Variants in CTIF observed in about 807,000 individuals in gnomAD.
CTIF encodes the protein CBP80/20-dependent translation initiation factor.
CTIF carries 21 observed loss-of-function variants against 66.0 expected under a neutral mutation model. The ratio of observed to expected loss-of-function variants is 0.32; its 90% CI spans 0.23 to 0.46. The LOEUF is 0.46. CTIF is among the 20% of genes least tolerant of loss of function. The pLI is 1.00. For synonymous variants in CTIF, 345 were observed against 326.4 expected, an observed-to-expected ratio of 1.06 and a Z score of -0.62; for missense variants, 739 against 812.7, an observed-to-expected ratio of 0.91 and a Z score of 1.10.
At chr18:48,783,171 A>G (rs1051874809) in intron 9 of CTIF, among the ~76,000 whole-genome samples, 27 of 152,180 alleles carry the variant, frequency 1.8e-4, no homozygotes, top group Non-Finnish European at 1.3e-4. Context: ...ACAGGGTCCC[A>G]TGTAGGCCAC....
chr18:48,806,509 T>C (rs1360935019), intron 9 of CTIF, among the ~76,000 whole-genome samples: 1 of 152,198 alleles, frequency 6.6e-6, no homozygotes, highest in East Asian at 1.9e-4. Flanking sequence ...CCTAGGCCAT[T>C]CATTTTCCAA....
chr18:48,665,811 C>T (rs1270224082), intron 5 of CTIF, among the ~76,000 whole-genome samples: 2 of 152,204 alleles, frequency 1.3e-5, no homozygotes, highest in Non-Finnish European at 2.9e-5. Flanking sequence ...AACTTTATTC[C>T]TTTTCATGGC....
chr18:48,786,361 A>G (rs570896461), intron 9 of CTIF, among the ~76,000 whole-genome samples: 4 of 152,302 alleles, frequency 2.6e-5, no homozygotes, highest in Admixed American at 1.3e-4. Flanking sequence ...AGCGGTGGGC[A>G]CTGTCAAGAG....
intron 1 of CTIF, among the ~76,000 whole-genome samples, chr18:48,589,435 C>G (rs544133185): frequency 6.6e-6 from 1 of 152,222 alleles, no homozygotes; most frequent in Admixed American, 6.5e-5. Context: ...CTTATAAGGA[C>G]CCCAGTCCCT....
chr18:48,796,846 C>T (rs548432369), intron 9 of CTIF, among the ~76,000 whole-genome samples: 2 of 152,296 alleles, frequency 1.3e-5, no homozygotes, highest in Admixed American at 6.5e-5. Context: ...ACTTGTGTGA[C>T]GAGAATTGTT....
chr18:48,686,606 T>G (rs1277889277), intron 6 of CTIF, among the ~76,000 whole-genome samples: 1 of 152,214 alleles, frequency 6.6e-6, no homozygotes, highest in Non-Finnish European at 1.5e-5. Context: ...GTTATTCTGC[T>G]TCTCCAGAAA....
intron 1 of CTIF, among the ~76,000 whole-genome samples, chr18:48,603,857 T>A (rs2090152778): frequency 6.6e-6 from 1 of 151,336 alleles, no homozygotes; most frequent in South Asian, 2.1e-4. Context: ...AAATTTTTTT[T>A]TTTTTTTTTT....
intron 2 of CTIF, among the ~76,000 whole-genome samples, chr18:48,626,656 G>C (rs3102104): frequency 9.3e-6 from 1 of 108,060 alleles, no homozygotes; most frequent in Non-Finnish European, 1.8e-5. Context: ...TTTTTTTTTT[G>C]TTTTTTTTTT....
chr18:48,758,443 G>T, intron 8 of CTIF, 38 bp downstream of exon 8: 5 of 1,552,076 alleles, frequency 3.2e-6, no homozygotes, highest in South Asian at 1.2e-5. Context: ...TCTTGCACCA[G>T]GGAGGACAGC....
rs531348083 is a variant in CTIF at position 48,666,175 on chromosome 18, A to G, written c.431+1624A>G. On this transcript the variant is annotated intron_variant, in intron 5 of 11. Transcript: ENST00000256413. ...TTTTATTATGATACTGATGACCCTTACTTTTCCTTCCAGCCCTCCCCTGCT... is the reference window on the plus strand; with the variant it reads ...TTTTATTATGATACTGATGACCCTTGCTTTTCCTTCCAGCCCTCCCCTGCT... 3.7e-4 allele frequency among the ~76,000 whole-genome samples: 56 copies of G among 152,020 alleles called. 1 individual carries two copies. The highest frequency in any genetic ancestry group is 9.8e-4 in the Admixed American group (15 of 15,284).
chr18:48,833,605 G>C (rs559000368), intron 10 of CTIF, among the ~76,000 whole-genome samples: 31 of 152,290 alleles, frequency 2.0e-4, no homozygotes, highest in African/African-American at 7.2e-4. Flanking sequence ...CCCTTCCGGG[G>C]ACTTTCACAT....
chr18:48,780,220 A>G (rs189496304), intron 9 of CTIF, among the ~76,000 whole-genome samples: 3 of 152,308 alleles, frequency 2.0e-5, no homozygotes, highest in Non-Finnish European at 4.4e-5. Context: ...TTCTAACACT[A>G]AATGATTAAG....
intron 1 of CTIF, chr18:48,566,262 T>C (rs2089278374): frequency 6.6e-6 from 1 of 152,138 alleles, no homozygotes; most frequent in Non-Finnish European, 1.5e-5. Context: ...CATTCATTCA[T>C]TCAGCCAGTG....
At chr18:48,687,824 C>T (rs1360314324) in intron 6 of CTIF, among the ~76,000 whole-genome samples, 3 of 152,212 alleles carry the variant, frequency 2.0e-5, no homozygotes, top group African/African-American at 7.2e-5. Flanking sequence ...TCTGTCTCTG[C>T]AGCCGCCTGA....
chr18:48,638,070 C>T (rs1260783064), intron 3 of CTIF, among the ~76,000 whole-genome samples: 1 of 151,976 alleles, frequency 6.6e-6, no homozygotes, highest in South Asian at 2.1e-4. Flanking sequence ...GCCTCTGTCT[C>T]TGCTGCCTCC....
At chr18:48,741,599 A>G (rs750252259) in intron 7 of CTIF, among the ~76,000 whole-genome samples, 3 of 151,448 alleles carry the variant, frequency 2.0e-5, no homozygotes, top group Non-Finnish European at 4.4e-5. Context: ...ATTTTTTTGT[A>G]TTTTTAGTAG....
chr18:48,599,058 G>T (rs28688922), intron 1 of CTIF, among the ~76,000 whole-genome samples: 3 of 152,138 alleles, frequency 2.0e-5, no homozygotes, highest in Non-Finnish European at 2.9e-5. Flanking sequence ...CCCACCCGAC[G>T]GGGGCCTGAG....
At chr18:48,591,041 A>G (rs1462118174) in intron 1 of CTIF, among the ~76,000 whole-genome samples, 1 of 152,190 alleles carries the variant, frequency 6.6e-6, no homozygotes, top group Admixed American at 6.5e-5. Context: ...TCTCTCAGGA[A>G]GGGAAGGCCA....
intron 10 of CTIF, among the ~76,000 whole-genome samples, chr18:48,835,963 TA>T (rs1426347200): frequency 6.6e-6 from 1 of 152,212 alleles, no homozygotes; most frequent in African/African-American, 2.4e-5. Flanking sequence ...TTTGTCATTC[TA>T]CCCCTCTGCC....
Sources: allele counts gnomAD v4.1 joint callset (sites outside exome capture counted in the v4.1 genomes callset), GRCh38; gene constraint gnomAD v4.1.1; transcripts MANE v1.5; gene names NCBI Gene and HGNC (gene_info 2026-07-23, HGNC 2026-07-21).